The following MYADML2 variants were observed in gnomAD, a reference collection of about 807,000 sequenced individuals.
MYADML2 encodes the protein myeloid-associated differentiation marker-like protein 2.
MYADML2 carries 17 observed loss-of-function variants against 16.0 expected under a neutral mutation model. That is an observed-to-expected ratio of 1.06 (90% CI 0.73 to 1.60). MYADML2 has a LOEUF of 1.60. Among genes scored for constraint, MYADML2 ranks in the 40% most tolerant of loss-of-function variants. The pLI, the probability that MYADML2 is intolerant of heterozygous loss-of-function variation, is 0.00. For missense variants in MYADML2, 422 were observed against 437.7 expected, an observed-to-expected ratio of 0.96 and a Z score of 0.32; for synonymous variants, 210 against 208.1, an observed-to-expected ratio of 1.01 and a Z score of -0.08.
At chr17:81,945,343 T>G (rs2041336511) in intron 1 of MYADML2, among the ~76,000 whole-genome samples, 1 of 151,756 alleles carries the variant, frequency 6.6e-6, no homozygotes, top group Non-Finnish European at 1.5e-5. Flanking sequence ...ATCGAGACCA[T>G]CCTGGCTAAC....
rs2041294628 is a variant in MYADML2 at position 81,940,713 on chromosome 17, G to A, written c.*105C>T. 7.9e-7 allele frequency: 1 copy of A among 1,268,198 alleles called. No individual in the cohort carries two copies. The highest frequency in any genetic ancestry group is 1.1e-6 in the Non-Finnish European group (1 of 935,340). The allele number at this position is 1,268,198 out of a possible 1,614,324, so 78.6% of individuals were successfully genotyped here. A position where few individuals can be genotyped will look rare whatever the true frequency, so the allele number is the denominator to read the frequency against. On this transcript the variant is annotated 3_prime_UTR_variant, in exon 3 of 3. Coordinates refer to ENST00000409745, the MANE Select transcript of MYADML2 (RefSeq NM_001145113.3). ...GTACTTCATCTCCCCTGAGCCCGCGGCTTCCCTCCTGCTCGCTACTTGACA... is the reference window on the plus strand; with the variant it reads ...GTACTTCATCTCCCCTGAGCCCGCGACTTCCCTCCTGCTCGCTACTTGACA...
rs1432429608 is a variant in MYADML2, at chr17:81,941,405, G to C, written c.337C>G (p.Arg113Gly). 6 of 1,549,026 alleles carry C rather than the reference G, an allele frequency of 3.9e-6. No homozygotes were observed. In the South Asian group the frequency reaches 5.9e-5, roughly 15 times the overall value. The change falls in exon 3 of 3, where the codon CGG becomes GGG. Residue 113 changes from arginine (R) to glycine (G), a missense_variant. Coordinates refer to ENST00000409745, the MANE Select transcript of MYADML2 (RefSeq NM_001145113.3). ...AVLYPLYFAR[R>G]ECSPEPAGCA... ...CCGGCGGGCTCGGGGGAACACTCCC[G>C]CCGGGCAAAGTACAGCGGATACAGG...
chr17:81,941,045 CCACCACCAGCCGGTCAAAGGGGCAG>C lies in MYADML2; in HGVS notation c.672_696del (p.Pro226ThrfsTer14). On this transcript the variant is annotated frameshift_variant, in exon 3 of 3. Coordinates refer to ENST00000409745, the MANE Select transcript of MYADML2 (RefSeq NM_001145113.3). LOFTEE classifies it high-confidence loss of function. ...AGGAGCACAGCCAGGAAGGTGTACA[CCACCACCAGCCGGTCAAAGGGGCAG>C]CCCAGGCCCCCTGTGTGGCCCATCA... is the stretch of plus-strand genomic sequence containing the variant. 1.9e-6 allele frequency: 3 copies of C among 1,550,408 alleles called. No homozygotes were observed. In the South Asian group the frequency reaches 3.6e-5, roughly 18 times the overall value.
chr17:81,941,718 AG>A lies in MYADML2; in HGVS notation c.23del (p.Pro8LeufsTer11). 1.3e-6 allele frequency: 2 copies of A among 1,530,908 alleles called. No homozygotes were observed. The highest frequency in any genetic ancestry group is 1.8e-6 in the Non-Finnish European group (2 of 1,135,336). The allele number at this position is 1,530,908 out of a possible 1,614,324, so 94.8% of individuals were successfully genotyped here. MGSTMEP[P>X]GGAYLHLGAV... ...CGCCCAGGTGCAGGTACGCACCCCC[AG>A]GGGGCTCCATGGTGCTGCCCATCTG... On this transcript the variant is annotated frameshift_variant, in exon 3 of 3. Transcript: ENST00000409745. LOFTEE classifies it high-confidence loss of function.
Position 81,946,387 on chromosome 17 carries a change from G to T in MYADML2, c.-181+672C>A, listed in dbSNP as rs572702381. ...GAAAAGGCCGGGCGCGGTGGCTCAT[G>T]CCTGTAATCCCAGCACTTTGGGAGG... On this transcript the variant is annotated intron_variant, in intron 1 of 2. Coordinates refer to ENST00000409745, the MANE Select transcript of MYADML2 (RefSeq NM_001145113.3). Among the ~76,000 whole-genome samples, 4 of 148,988 alleles carry T rather than the reference G, an allele frequency of 2.7e-5. No individual in the cohort carries two copies. In the South Asian group the frequency reaches 8.4e-4, roughly 31 times the overall value.
chr17:81,945,802 GGGT>G (rs200603887), intron 1 of MYADML2, among the ~76,000 whole-genome samples: 3,089 of 151,928 alleles, frequency 0.02, 128 homozygotes, highest in African/African-American at 0.071. Flanking sequence ...AGGAGGTTGA[GGGT>G]GCAGTGAACT....
At position 81,941,012 on chromosome 17, in the gene MYADML2, T is replaced by A; in HGVS notation, c.730A>T (p.Ser244Cys). 1 of 1,550,402 alleles carries A rather than the reference T, an allele frequency of 6.4e-7. No homozygotes were observed. The highest frequency in any genetic ancestry group is 8.7e-7 in the Non-Finnish European group (1 of 1,146,960). ...AAGACTGGCCAGATCACGGCGGCGC[T>A]GAGGTACAGGAGCACAGCCAGGAAG... ...YTFLAVLLYL[S>C]AAVIWPVFCF... The change falls in exon 3 of 3, where the codon AGC becomes TGC. Residue 244 changes from serine (S) to cysteine (C), a missense_variant. Ser to Cys is a moderately radical substitution (Grantham distance 112). Coordinates refer to ENST00000409745, the MANE Select transcript of MYADML2 (RefSeq NM_001145113.3).
At position 81,941,161 on chromosome 17, in the gene MYADML2, G is replaced by A. The variant is rs552646065; in HGVS notation, c.581C>T (p.Thr194Ile). 1.5e-5 allele frequency: 23 copies of A among 1,550,230 alleles called. No individual in the cohort carries two copies. The Admixed American group carries it at 1.6e-4, about 11-fold the overall frequency. Residue 194 changes from threonine (T) to isoleucine (I), a missense_variant, in exon 3 of 3, where the codon ACC (threonine) becomes ATC (isoleucine). Physicochemically the swap from Thr to Ile is moderately conservative, Grantham distance 89 (BLOSUM62 -1). Coordinates refer to ENST00000409745, the MANE Select transcript of MYADML2 (RefSeq NM_001145113.3). ...GCTGTAGACGGCCACGCACCACTGGGTGGCCACGTAGCGCCCGTAGCGGCT... is the reference window on the plus strand; with the variant it reads ...GCTGTAGACGGCCACGCACCACTGGATGGCCACGTAGCGCCCGTAGCGGCT... Reference protein sequence around the residue: ...HDSRYGRYVATQWCVAVYSLC... With the variant: ...HDSRYGRYVAIQWCVAVYSLC...
chr17:81,945,439 T>C (rs1295485425), intron 1 of MYADML2, among the ~76,000 whole-genome samples: 2 of 151,736 alleles, frequency 1.3e-5, no homozygotes, highest in Admixed American at 1.3e-4. Flanking sequence ...CTCAGGAGGC[T>C]GAGGCAGGAG....
Position 81,941,058 on chromosome 17 carries a change from G to A in MYADML2, c.684C>T (p.Asp228=). 6.4e-7 allele frequency: 1 copy of A among 1,550,424 alleles called. No homozygotes were observed. The highest frequency in any genetic ancestry group is 2.4e-5 in the East Asian group (1 of 40,920). ...GHTGGLGCPF[D]RLVVVYTFLA... ...GGAAGGTGTACACCACCACCAGCCG[G>A]TCAAAGGGGCAGCCCAGGCCCCCTG... The change falls in exon 3 of 3, where the codon GAC becomes GAT. Residue 228 remains aspartate, a synonymous_variant. Coordinates refer to ENST00000409745, the MANE Select transcript of MYADML2 (RefSeq NM_001145113.3).
chr17:81,940,639 C>G lies in MYADML2; in HGVS notation c.*179G>C. 1.5e-6 allele frequency: 1 copy of G among 683,886 alleles called. No homozygotes were observed. The allele number at this position is 683,886 out of a possible 1,614,324, so 42.4% of individuals were successfully genotyped here. A position where few individuals can be genotyped will look rare whatever the true frequency, so the allele number is the denominator to read the frequency against. On this transcript the variant is annotated 3_prime_UTR_variant, in exon 3 of 3. Transcript: ENST00000409745. ...AGGGCCTCTGCCCTACTGTCCTGCCCTTGTCCCTCTGAGCCCAGTCTGGAA... is the reference window on the plus strand; with the variant it reads ...AGGGCCTCTGCCCTACTGTCCTGCCGTTGTCCCTCTGAGCCCAGTCTGGAA...
At chr17:81,945,128 C>T (rs2041333581) in intron 1 of MYADML2, among the ~76,000 whole-genome samples, 1 of 151,626 alleles carries the variant, frequency 6.6e-6, no homozygotes, top group African/African-American at 2.4e-5. Flanking sequence ...TGGCTGGGCG[C>T]AGTAGGTCAC....
chr17:81,941,552 C>G lies in MYADML2; in HGVS notation c.190G>C (p.Val64Leu). 6.5e-7 allele frequency: 1 copy of G among 1,548,248 alleles called. No homozygotes were observed. ...TCACAGGCCACCACCAGCGCAGAGA[C>G]GGCGAAGCAGAAGCCCCAGGCGGCC... ...CMAAWGFCFA[V>L]SALVVACEFT... Residue 64 changes from valine (V) to leucine (L), a missense_variant, in exon 3 of 3, where the codon GTC (valine) becomes CTC (leucine). Physicochemically the swap from Val to Leu is conservative, Grantham distance 32. Transcript: ENST00000409745.
intron 1 of MYADML2, among the ~76,000 whole-genome samples, chr17:81,945,381 T>TAC (rs2041337131): frequency 6.6e-6 from 1 of 151,554 alleles, no homozygotes; most frequent in Non-Finnish European, 1.5e-5. Flanking sequence ...CTACTAAAAA[T>TAC]ACAAAAAATT....
At position 81,940,600 on chromosome 17, in the gene MYADML2, C is replaced by A; in HGVS notation, c.*218G>T. 1.8e-6 allele frequency: 1 copy of A among 547,010 alleles called. No homozygotes were observed. The highest frequency in any genetic ancestry group is 3.2e-6 in the Non-Finnish European group (1 of 310,950). The allele number at this position is 547,010 out of a possible 1,614,324, so 33.9% of individuals were successfully genotyped here. On this transcript the variant is annotated 3_prime_UTR_variant, in exon 3 of 3. Transcript: ENST00000409745. Reference sequence around the variant, plus strand: ...GGGGATTGGCCTAGGTGAGGCTCTCCCCTGCGTCTGCTCAGGGCCTCTGCC... The same window carrying A: ...GGGGATTGGCCTAGGTGAGGCTCTCACCTGCGTCTGCTCAGGGCCTCTGCC...
rs752750379 is a variant in MYADML2 at position 81,942,711 on chromosome 17, T to C, written c.-180-338A>G. Among the ~76,000 whole-genome samples the C allele has an allele frequency of 4.6e-5, 7 of 151,864 alleles. No homozygotes were observed. The highest frequency in any genetic ancestry group is 2.0e-4 in the East Asian group (1 of 5,128). The stretch of plus-strand genomic sequence containing the variant: ...GATTACAGGCGTGAGCCACCATGCC[T>C]GGCTAATTTTTTTGTATTTTTAATA... On this transcript the variant is annotated intron_variant, in intron 1 of 2. Transcript: ENST00000409745. This position sits in a 1 kb window ranked among gnomAD's most constrained non-coding sequence, Gnocchi z 4.4.
At chr17:81,945,301 A>G (rs1456654666) in intron 1 of MYADML2, among the ~76,000 whole-genome samples, 1 of 151,922 alleles carries the variant, frequency 6.6e-6, no homozygotes, top group Non-Finnish European at 1.5e-5. Flanking sequence ...GCACTTTGGG[A>G]GGCCAAGGTG....
In MYADML2 at chr17:81,941,528, C is replaced by T; in HGVS notation, c.214G>A (p.Glu72Lys). Residue 72 changes from glutamate (E) to lysine (K), a missense_variant, in exon 3 of 3, where the codon GAG becomes AAG. By Grantham distance (56) the Glu-to-Lys change is moderately conservative. Transcript: ENST00000409745. ...AGGCAGCCGTGGAGCCGTGTGAACT[C>T]ACAGGCCACCACCAGCGCAGAGACG... ...FAVSALVVAC[E>K]FTRLHGCLRL... 6.5e-7 allele frequency: 1 copy of T among 1,548,016 alleles called. No individual in the cohort carries two copies. Among genetic ancestry groups the T allele is most frequent in the Non-Finnish European group, 8.7e-7 (1 of 1,146,296 alleles).
In MYADML2 at chr17:81,940,795, G is replaced by A. The variant is rs1162565424; in HGVS notation, c.*23C>T. On this transcript the variant is annotated 3_prime_UTR_variant, in exon 3 of 3. Coordinates refer to ENST00000409745, the MANE Select transcript of MYADML2 (RefSeq NM_001145113.3). ...CTGGAGCTGGTGGCCAGAGAGCAGAGGTGGGTGGGCTGCCACTGTGGGCTA... is the reference window on the plus strand; with the variant it reads ...CTGGAGCTGGTGGCCAGAGAGCAGAAGTGGGTGGGCTGCCACTGTGGGCTA... The A allele has an allele frequency of 3.4e-6, 5 of 1,483,716 alleles. No individual in the cohort carries two copies. The highest frequency in any genetic ancestry group is 4.5e-6 in the Non-Finnish European group (5 of 1,110,460). 91.9% of individuals were successfully genotyped at this position (1,483,716 alleles called of 1,614,324 possible). A position where few individuals can be genotyped will look rare whatever the true frequency, so the allele number is the denominator to read the frequency against.
Sources: allele counts gnomAD v4.1 joint callset (sites outside exome capture counted in the v4.1 genomes callset), GRCh38; gene constraint gnomAD v4.1.1; non-coding constraint Gnocchi (gnomAD v3.1); transcripts MANE v1.5; gene names NCBI Gene and HGNC (gene_info 2026-07-23, HGNC 2026-07-21).